The following TAFA2 variants were observed in gnomAD, a reference collection of about 807,000 sequenced individuals.
TAFA2 encodes the protein chemokine-like protein TAFA-2.
In TAFA2, 7 loss-of-function variants were observed where a neutral mutation model predicts 18.8. That is an observed-to-expected ratio of 0.37 (90% CI 0.21 to 0.70). The LOEUF is 0.70. TAFA2 is among the 30% of genes least tolerant of loss of function. TAFA2 has a pLI of 0.53. For missense variants in TAFA2, 122 were observed against 158.1 expected (o/e 0.77, Z 1.23); for synonymous variants, 60 against 54.2 (o/e 1.11, Z -0.47).
chr12:62,010,612 T>G (rs985137321), intron 1 of TAFA2, among the ~76,000 whole-genome samples: 9 of 149,716 alleles, frequency 6.0e-5, no homozygotes, highest in Non-Finnish European at 8.9e-5. Flanking sequence ...TCTGCCTGGC[T>G]GCCCTGTCTG....
intron 1 of TAFA2, among the ~76,000 whole-genome samples, chr12:62,228,802 T>G (rs1441808498): frequency 6.6e-6 from 1 of 152,128 alleles, no homozygotes; most frequent in African/African-American, 2.4e-5. Context: ...GTAGAAAAAT[T>G]TGGGTAGCAT....
intron 1 of TAFA2, among the ~76,000 whole-genome samples, chr12:61,885,142 CAG>C (rs1875318536): frequency 6.6e-6 from 1 of 152,112 alleles, no homozygotes; most frequent in Admixed American, 6.5e-5. Flanking sequence ...AACTGAGGCT[CAG>C]AGGGATGAAG....
chr12:62,165,615 G>A (rs1455635875), intron 1 of TAFA2, among the ~76,000 whole-genome samples: 3 of 152,072 alleles, frequency 2.0e-5, no homozygotes, highest in African/African-American at 7.2e-5. Context: ...TGGTGTAACA[G>A]TCCCATAATT....
At chr12:61,755,116 T>A (rs1035432251) in intron 2 of TAFA2, 92 bp from the exon 3 acceptor site, 1 of 1,175,814 alleles carries the variant, frequency 8.5e-7, no homozygotes, top group African/African-American at 1.5e-5. Context: ...TAAATATAGC[T>A]CTATAAGGGG....
chr12:61,836,756 T>TATATATAC (rs68158949), intron 2 of TAFA2, among the ~76,000 whole-genome samples: 197 of 119,804 alleles, frequency 1.6e-3, no homozygotes, highest in African/African-American at 4.8e-3. Flanking sequence ...TATATATATA[T>TATATATAC]ACACACACAC....
At chr12:62,007,110 T>C (rs1416437482) in intron 1 of TAFA2, among the ~76,000 whole-genome samples, 2 of 152,128 alleles carry the variant, frequency 1.3e-5, no homozygotes, top group Admixed American at 1.3e-4. Context: ...CTGGCCCCCA[T>C]GCTCCTTCTG....
chr12:61,735,130 C>G (rs1052739836), intron 4 of TAFA2, among the ~76,000 whole-genome samples: 13 of 152,000 alleles, frequency 8.6e-5, no homozygotes, highest in African/African-American at 3.1e-4. Flanking sequence ...CTAACACAAG[C>G]AGGAAGTCAT....
chr12:61,754,786 C>A, intron 3 of TAFA2, 86 bp downstream of exon 3: 1 of 1,336,672 alleles, frequency 7.5e-7, no homozygotes, highest in Non-Finnish European at 1.0e-6. Context: ...CCAGGATTGA[C>A]CTCCCATTGA....
chr12:61,941,730 T>C (rs998012310), intron 1 of TAFA2, among the ~76,000 whole-genome samples: 8 of 152,116 alleles, frequency 5.3e-5, no homozygotes, highest in Non-Finnish European at 7.4e-5. Context: ...CACCCGAATA[T>C]TGCGCTTTTC....
chr12:61,749,532 T>G (rs181811493), intron 4 of TAFA2, among the ~76,000 whole-genome samples: 1 of 152,122 alleles, frequency 6.6e-6, no homozygotes, highest in African/African-American at 2.4e-5. Flanking sequence ...ATGTGCTGCA[T>G]AGGAAATTCT....
At chr12:61,899,962 T>C (rs115972558) in intron 1 of TAFA2, among the ~76,000 whole-genome samples, 2,350 of 152,312 alleles carry the variant, frequency 0.015, 60 homozygotes, top group African/African-American at 0.052. Context: ...TGTGGGAGAT[T>C]CTAAAATCAA....
At chr12:62,257,115 T>C (rs1003772486) in intron 1 of TAFA2, among the ~76,000 whole-genome samples, 2 of 106,754 alleles carry the variant, frequency 1.9e-5, no homozygotes, top group Non-Finnish European at 2.0e-5. Context: ...TGGGATGTGC[T>C]GATTCTGTGT....
chr12:62,085,597 C>A (rs1184070373), intron 1 of TAFA2, among the ~76,000 whole-genome samples: 2 of 152,026 alleles, frequency 1.3e-5, no homozygotes, highest in African/African-American at 4.8e-5. Context: ...GTGCCAATCC[C>A]TGATTTAAGG....
upstream of TAFA2, among the ~76,000 whole-genome samples, chr12:62,195,446 T>C (rs2062645003): frequency 6.6e-6 from 1 of 152,186 alleles, no homozygotes; most frequent in Non-Finnish European, 1.5e-5. Context: ...AGAGGAATCA[T>C]TATCTATGAC....
At chr12:61,802,868 A>C (rs866453997) in intron 2 of TAFA2, among the ~76,000 whole-genome samples, 1 of 152,030 alleles carries the variant, frequency 6.6e-6, no homozygotes, top group Admixed American at 6.6e-5. Context: ...AATATGTGCA[A>C]TTATTATATG....
intron 1 of TAFA2, among the ~76,000 whole-genome samples, chr12:62,214,168 G>A (rs2062724569): frequency 6.6e-6 from 1 of 152,138 alleles, no homozygotes; most frequent in Non-Finnish European, 1.5e-5. Flanking sequence ...CCCCTTATAA[G>A]AGGCTGACTT....
At chr12:61,746,747 G>GTTTGT (rs1185110763) in intron 4 of TAFA2, among the ~76,000 whole-genome samples, 2 of 152,118 alleles carry the variant, frequency 1.3e-5, no homozygotes, top group African/African-American at 2.4e-5. Context: ...TTTTCATCCA[G>GTTTGT]TTTGTTTTGT....
intron 1 of TAFA2, among the ~76,000 whole-genome samples, chr12:62,017,522 G>C (rs945768501): frequency 6.6e-6 from 1 of 152,168 alleles, no homozygotes; most frequent in African/African-American, 2.4e-5. Context: ...ATTAATAACA[G>C]AATATATTCT....
At chr12:62,085,637 C>T (rs1279842941) in intron 1 of TAFA2, among the ~76,000 whole-genome samples, 1 of 152,064 alleles carries the variant, frequency 6.6e-6, no homozygotes, top group African/African-American at 2.4e-5. Context: ...GTAAGACAGG[C>T]ATGATCCATG....
Sources: allele counts gnomAD v4.1 joint callset (sites outside exome capture counted in the v4.1 genomes callset), GRCh38; gene constraint gnomAD v4.1.1; transcripts MANE v1.5; gene names NCBI Gene and HGNC (gene_info 2026-07-23, HGNC 2026-07-21).